STK32C: variants seen among roughly 807,000 people sequenced by gnomAD.
STK32C encodes the protein serine/threonine-protein kinase 32C.
Under a neutral mutation model 56.5 loss-of-function variants are expected in STK32C, and 31 were observed. That is an observed-to-expected ratio of 0.55 (90% CI 0.41 to 0.74). The LOEUF (loss-of-function observed/expected upper bound fraction) is 0.74. Among genes scored for constraint, STK32C ranks in the 30% least tolerant of loss-of-function variants. The pLI is 0.00. For missense variants in STK32C, 544 were observed against 676.9 expected, an observed-to-expected ratio of 0.80 and a Z score of 2.18; for synonymous variants, 309 against 289.4, an observed-to-expected ratio of 1.07 and a Z score of -0.69.
chr10:132,216,203 G>A (rs1474302773), intron 10 of STK32C, among the ~76,000 whole-genome samples: 2 of 152,282 alleles, frequency 1.3e-5, no homozygotes, highest in East Asian at 3.9e-4. Flanking sequence ...GGTGGCTCAC[G>A]CCTGTAATCC....
At chr10:132,303,296 C>T (rs771001091) in intron 1 of STK32C, among the ~76,000 whole-genome samples, 6 of 152,188 alleles carry the variant, frequency 3.9e-5, no homozygotes, top group African/African-American at 1.2e-4. Context: ...CAATTTCCAA[C>T]GCAAAAAGTG....
At chr10:132,331,635 G>A (rs756074321) in exon 1 of STK32C, 1 of 1,612,728 alleles carries the variant, frequency 6.2e-7, no homozygotes, top group Non-Finnish European at 8.5e-7. Flanking sequence ...AGCGAGGACC[G>A]CTCCAAAGGT....
chr10:132,292,877 G>A (rs377717696), intron 1 of STK32C, among the ~76,000 whole-genome samples: 5 of 152,010 alleles, frequency 3.3e-5, no homozygotes, highest in Admixed American at 6.5e-5. Context: ...GCGACGACCC[G>A]CTGCCGGTCC....
At chr10:132,268,774 T>C (rs2064702043) in intron 1 of STK32C, among the ~76,000 whole-genome samples, 1 of 149,462 alleles carries the variant, frequency 6.7e-6, no homozygotes, top group Admixed American at 6.7e-5. Context: ...TATGCCTGTC[T>C]GTGTGCATCC....
At chr10:132,253,333 A>T (rs2063973249) in intron 1 of STK32C, among the ~76,000 whole-genome samples, 1 of 151,962 alleles carries the variant, frequency 6.6e-6, no homozygotes, top group South Asian at 2.1e-4. Context: ...GAGCAGAGGG[A>T]GCTGGAGGGA....
intron 1 of STK32C, among the ~76,000 whole-genome samples, chr10:132,253,548 G>A (rs2063994459): frequency 1.4e-5 from 2 of 146,500 alleles, no homozygotes; most frequent in African/African-American, 5.2e-5. Context: ...AGGGAGTCGA[G>A]GGAGCTGGAG....
chr10:132,268,018 T>A (rs1295391426), intron 1 of STK32C, among the ~76,000 whole-genome samples: 1 of 148,916 alleles, frequency 6.7e-6, no homozygotes, highest in African/African-American at 2.5e-5. Flanking sequence ...TGTGCATGCA[T>A]GTGTATGCAT....
rs571984917 is a variant in STK32C, at chr10:132,255,284, C to A, written c.263-9329G>T. Among the ~76,000 whole-genome samples the A allele has an allele frequency of 2.6e-5, 4 of 152,108 alleles. No individual in the cohort carries two copies. Among genetic ancestry groups the A allele is most frequent in the Non-Finnish European group, 4.4e-5 (3 of 68,018 alleles). On this transcript the variant is annotated intron_variant, in intron 1 of 11. Coordinates refer to ENST00000298630, the MANE Select transcript of STK32C (RefSeq NM_173575.4). The surrounding 1 kb of genome is among the most constrained non-coding windows in gnomAD (Gnocchi z 4.6). ...ACGGGGCTCCTGACTTAGGAAATAC[C>A]GGGCCAGGTGGAAGAGTTGGAACCG...
At chr10:132,316,342 G>T (rs1016286969) in intron 1 of STK32C, among the ~76,000 whole-genome samples, 4 of 152,208 alleles carry the variant, frequency 2.6e-5, no homozygotes, top group Non-Finnish European at 4.4e-5. Flanking sequence ...GCCAGGCACG[G>T]TGACTCATAC....
chr10:132,290,976 C>T (rs1175987848), intron 1 of STK32C, among the ~76,000 whole-genome samples: 2 of 152,234 alleles, frequency 1.3e-5, no homozygotes, highest in African/African-American at 4.8e-5. Flanking sequence ...AGTCTTCCAC[C>T]GGCTTCCGCT....
chr10:132,316,511 C>T (rs536257375), intron 1 of STK32C, among the ~76,000 whole-genome samples: 48 of 152,048 alleles, frequency 3.2e-4, no homozygotes, highest in African/African-American at 1.1e-3. Flanking sequence ...CCCTGCTACT[C>T]GGGAGGCTAA....
intron 1 of STK32C, among the ~76,000 whole-genome samples, chr10:132,290,624 G>A (rs2065534487): frequency 6.6e-6 from 1 of 152,198 alleles, no homozygotes; most frequent in African/African-American, 2.4e-5. Context: ...AGGTCCCCAG[G>A]ACTACCCAGG....
intron 2 of STK32C, among the ~76,000 whole-genome samples, chr10:132,238,086 G>A (rs35311729): frequency 0.032 from 4,806 of 152,188 alleles, 102 homozygotes; most frequent in Admixed American, 0.05. Context: ...GCAAGTGGAC[G>A]AGGCCTGGGG....
chr10:132,258,331 C>G (rs2064193580), intron 1 of STK32C, among the ~76,000 whole-genome samples: 1 of 152,240 alleles, frequency 6.6e-6, no homozygotes, highest in South Asian at 2.1e-4. Context: ...TGGAAAGCAC[C>G]TTTCCCCAAA....
intron 1 of STK32C, chr10:132,248,905 A>G (rs2063785283): frequency 2.2e-6 from 1 of 454,726 alleles, no homozygotes; most frequent in African/African-American, 2.0e-5. Context: ...CACTTTAGAG[A>G]ATAAGCACAA....
intron 7 of STK32C, among the ~76,000 whole-genome samples, chr10:132,224,916 G>C (rs1040167857): frequency 3.3e-5 from 5 of 152,196 alleles, no homozygotes; most frequent in African/African-American, 1.2e-4. Flanking sequence ...AAGAGCACAG[G>C]GCCCCAAAAG....
chr10:132,267,630 T>C (rs1046724991), intron 1 of STK32C, among the ~76,000 whole-genome samples: 6 of 113,156 alleles, frequency 5.3e-5, no homozygotes, highest in Non-Finnish European at 8.4e-5. Flanking sequence ...TCTATGCCTG[T>C]CTGTGTGCAT....
chr10:132,244,242 G>A (rs999843402), intron 2 of STK32C, among the ~76,000 whole-genome samples: 2 of 152,184 alleles, frequency 1.3e-5, no homozygotes, highest in South Asian at 4.1e-4. Context: ...CCCTCCAGGT[G>A]CACGACTACC....
At chr10:132,220,867 G>A (rs972717947) in intron 10 of STK32C, among the ~76,000 whole-genome samples, 1 of 152,174 alleles carries the variant, frequency 6.6e-6, no homozygotes, top group Non-Finnish European at 1.5e-5. Context: ...ACCATGCCTG[G>A]ACTTCCGATT....
Sources: allele counts gnomAD v4.1 joint callset (sites outside exome capture counted in the v4.1 genomes callset), GRCh38; gene constraint gnomAD v4.1.1; non-coding constraint Gnocchi (gnomAD v3.1); transcripts MANE v1.5; gene names NCBI Gene and HGNC (gene_info 2026-07-23, HGNC 2026-07-21).